Variants in TENM4 observed in about 807,000 individuals in gnomAD.
The protein encoded by TENM4 is teneurin transmembrane protein 4.
TENM4 carries 82 observed loss-of-function variants against 243.3 expected under a neutral mutation model. That is an observed-to-expected ratio of 0.34 (90% confidence interval 0.28 to 0.40). The LOEUF (loss-of-function observed/expected upper bound fraction) is 0.40, where lower values mean the gene tolerates loss of function less well. Ranked by LOEUF, TENM4 falls within the 10% of genes least tolerant of loss-of-function variation. TENM4 has a pLI of 1.00. For missense variants in TENM4, 3,138 were observed against 3,673.3 expected, an observed-to-expected ratio of 0.85 and a Z score of 3.77; for synonymous variants, 1,412 against 1,456.3, an observed-to-expected ratio of 0.97 and a Z score of 0.69.
intron 3 of TENM4, among the ~76,000 whole-genome samples, chr11:79,198,793 GC>G (rs1863685898): frequency 6.6e-6 from 1 of 152,216 alleles, no homozygotes; most frequent in Admixed American, 6.5e-5. Flanking sequence ...CCCTTGCGGA[GC>G]TTTCCTTCTG....
chr11:79,166,209 G>A (rs1451923214), intron 3 of TENM4, among the ~76,000 whole-genome samples: 2 of 152,176 alleles, frequency 1.3e-5, no homozygotes, highest in Non-Finnish European at 2.9e-5. Context: ...CTTTTGACTT[G>A]ATGTAAGTCA....
At chr11:78,825,623 G>T (rs559664994) in intron 12 of TENM4, among the ~76,000 whole-genome samples, 3 of 152,340 alleles carry the variant, frequency 2.0e-5, no homozygotes, top group African/African-American at 7.2e-5. Flanking sequence ...ATGCAAAAGA[G>T]CTTGTGGACC....
chr11:78,937,714 C>T (rs1302220928), intron 6 of TENM4, among the ~76,000 whole-genome samples: 2 of 152,132 alleles, frequency 1.3e-5, no homozygotes, highest in African/African-American at 4.8e-5. Flanking sequence ...TTCATCTGGC[C>T]TTCTAAGAAA....
At chr11:78,960,277 G>A (rs994419616) in intron 6 of TENM4, among the ~76,000 whole-genome samples, 1 of 151,928 alleles carries the variant, frequency 6.6e-6, no homozygotes, top group Non-Finnish European at 1.5e-5. Context: ...AAAAAAGGAG[G>A]AGGTTTGGGT....
At chr11:79,114,391 A>G (rs969008984) in intron 4 of TENM4, among the ~76,000 whole-genome samples, 3 of 152,226 alleles carry the variant, frequency 2.0e-5, no homozygotes, top group Non-Finnish European at 2.9e-5. Context: ...ATAATTATAT[A>G]CCTTTCTGCC....
intron 2 of TENM4, among the ~76,000 whole-genome samples, chr11:79,289,543 G>C (rs1856318535): frequency 6.6e-6 from 1 of 152,360 alleles, no homozygotes; most frequent in Non-Finnish European, 1.5e-5. Context: ...GACCATCCCA[G>C]CTCCAGAGTT....
chr11:79,158,102 G>A (rs1398508637), intron 3 of TENM4, among the ~76,000 whole-genome samples: 1 of 152,210 alleles, frequency 6.6e-6, no homozygotes, highest in Non-Finnish European at 1.5e-5. Flanking sequence ...ACTCTGGGCT[G>A]CTTGCCCCTG....
intron 18 of TENM4, among the ~76,000 whole-genome samples, chr11:78,760,342 G>A (rs1856401583): frequency 6.6e-6 from 1 of 152,206 alleles, no homozygotes; most frequent in South Asian, 2.1e-4. Context: ...AAACTACCTG[G>A]ATTTGGACCC....
At chr11:79,057,047 T>C (rs961790330) in intron 6 of TENM4, among the ~76,000 whole-genome samples, 8 of 152,188 alleles carry the variant, frequency 5.3e-5, no homozygotes, top group African/African-American at 1.7e-4. Context: ...CTGCCACACC[T>C]CAGTGAACTA....
chr11:79,270,873 C>G (rs1855956916), intron 2 of TENM4, among the ~76,000 whole-genome samples: 1 of 152,130 alleles, frequency 6.6e-6, no homozygotes, highest in Non-Finnish European at 1.5e-5. Flanking sequence ...TAGCAGAGGG[C>G]TGGGCTCACA....
intron 6 of TENM4, among the ~76,000 whole-genome samples, chr11:78,937,984 G>C (rs969570390): frequency 1.3e-5 from 2 of 152,116 alleles, no homozygotes; most frequent in African/African-American, 4.8e-5. Context: ...TACTTTTAAA[G>C]ATCATCCTTT....
chr11:78,770,137 T>G (rs1265914849), intron 18 of TENM4, among the ~76,000 whole-genome samples: 1 of 152,382 alleles, frequency 6.6e-6, no homozygotes, highest in South Asian at 2.1e-4. Context: ...TTTATCTTTT[T>G]ATTCTCCTAA....
At chr11:79,174,045 G>A (rs187663637) in intron 3 of TENM4, among the ~76,000 whole-genome samples, 36 of 152,276 alleles carry the variant, frequency 2.4e-4, no homozygotes, top group Non-Finnish European at 4.6e-4. Context: ...TTTTTCTATT[G>A]ACATCACATA....
At chr11:79,224,984 C>T (rs1864235747) in intron 2 of TENM4, among the ~76,000 whole-genome samples, 1 of 151,766 alleles carries the variant, frequency 6.6e-6, no homozygotes, top group African/African-American at 2.4e-5. Context: ...AATTAGGACA[C>T]AGAGACAGAT....
intron 16 of TENM4, among the ~76,000 whole-genome samples, chr11:78,786,435 A>G (rs1856937310): frequency 1.3e-5 from 2 of 152,368 alleles, no homozygotes; most frequent in African/African-American, 4.8e-5. Flanking sequence ...ATTGGATAAT[A>G]ATGGCTGCAT....
At chr11:78,882,139 C>T (rs1855444200) in intron 9 of TENM4, among the ~76,000 whole-genome samples, 1 of 152,208 alleles carries the variant, frequency 6.6e-6, no homozygotes, top group Non-Finnish European at 1.5e-5. Flanking sequence ...ATGAGCCTTA[C>T]TGCACACAAA....
intron 12 of TENM4, among the ~76,000 whole-genome samples, chr11:78,845,867 T>A (rs1858380280): frequency 6.6e-6 from 1 of 152,158 alleles, no homozygotes. Context: ...AGAATCTACA[T>A]CTGAATGGAG....
chr11:79,137,297 C>T (rs1591307966), intron 4 of TENM4, among the ~76,000 whole-genome samples: 2 of 152,210 alleles, frequency 1.3e-5, no homozygotes, highest in Admixed American at 1.3e-4. Flanking sequence ...CCTGGATTAT[C>T]AAGATGAAAT....
At chr11:78,717,318 A>G (rs1859542615) in intron 25 of TENM4, among the ~76,000 whole-genome samples, 1 of 152,150 alleles carries the variant, frequency 6.6e-6, no homozygotes, top group South Asian at 2.1e-4. Context: ...TGTGAGTGAG[A>G]ATTCTCTTTG....
Sources: gnomAD v4.1 joint callset for allele counts (sites outside exome capture counted in the v4.1 genomes callset) on GRCh38, gnomAD v4.1.1 for gene constraint, MANE v1.5 for transcripts, NCBI Gene and HGNC (gene_info 2026-07-23, HGNC 2026-07-21) for gene names.